FRAS1: variants seen among roughly 807,000 people sequenced by gnomAD.
FRAS1 encodes the protein extracellular matrix organizing protein FRAS1.
In FRAS1, 290 loss-of-function variants were observed where a neutral mutation model predicts 435.2. The ratio of observed to expected loss-of-function variants is 0.67; its 90% confidence interval spans 0.61 to 0.73. FRAS1 has a LOEUF of 0.73. Among genes scored for constraint, FRAS1 ranks in the 30% least tolerant of loss-of-function variants. The pLI, the probability that FRAS1 is intolerant of heterozygous loss-of-function variation, is 0.00. For missense variants in FRAS1, 4,860 were observed against 5,001.5 expected (o/e 0.97, Z 0.85); for synonymous variants, 1,800 against 1,851.0 (o/e 0.97, Z 0.71).
chr4:78,280,548 A>G (rs568000695), intron 10 of FRAS1, among the ~76,000 whole-genome samples: 1 of 151,698 alleles, frequency 6.6e-6, no homozygotes, highest in Non-Finnish European at 1.5e-5. Flanking sequence ...ATTAGGGATA[A>G]GGAGTTTGAC....
chr4:78,409,798 G>T (rs1269795826), intron 31 of FRAS1, among the ~76,000 whole-genome samples: 2 of 152,170 alleles, frequency 1.3e-5, no homozygotes, highest in South Asian at 4.1e-4. Flanking sequence ...CTTTTCCTTT[G>T]TCTAGGAATC....
chr4:78,376,589 C>T (rs1361680332), intron 26 of FRAS1, among the ~76,000 whole-genome samples: 1 of 152,042 alleles, frequency 6.6e-6, no homozygotes, highest in African/African-American at 2.4e-5. Context: ...CTTTTTCACA[C>T]AGTAGAGATA....
intron 2 of FRAS1, among the ~76,000 whole-genome samples, chr4:78,097,985 C>T (rs1182662770): frequency 6.8e-6 from 1 of 146,454 alleles, no homozygotes; most frequent in East Asian, 2.0e-4. Context: ...ACCATCTTTG[C>T]TGATACCTTG....
intron 20 of FRAS1, among the ~76,000 whole-genome samples, chr4:78,361,160 C>G (rs1260003599): frequency 6.6e-6 from 1 of 152,226 alleles, no homozygotes; most frequent in Non-Finnish European, 1.5e-5. Flanking sequence ...TTCATTTGCT[C>G]TTGCAACTTT....
At chr4:78,179,837 G>A (rs1229999513) in intron 2 of FRAS1, among the ~76,000 whole-genome samples, 1 of 152,184 alleles carries the variant, frequency 6.6e-6, no homozygotes, top group African/African-American at 2.4e-5. Flanking sequence ...GGAAATGCAG[G>A]GAGTTGGGCA....
intron 68 of FRAS1, 47 bp downstream of exon 68, chr4:78,521,677 T>C (rs1234316877): frequency 1.1e-5 from 13 of 1,138,228 alleles, no homozygotes; most frequent in Non-Finnish European, 1.7e-5. Context: ...TTAAGAAACA[T>C]TTCACACATA....
At chr4:78,168,082 C>T (rs1480002917) in intron 2 of FRAS1, among the ~76,000 whole-genome samples, 2 of 151,886 alleles carry the variant, frequency 1.3e-5, no homozygotes, top group Non-Finnish European at 2.9e-5. Context: ...GATAACTGTT[C>T]ACATGTGTTA....
At chr4:78,440,017 CT>C (rs1163344254) in intron 40 of FRAS1, among the ~76,000 whole-genome samples, 3,080 of 93,082 alleles carry the variant, frequency 0.033, 22 homozygotes, top group African/African-American at 0.1. Flanking sequence ...TAAGTCATTT[CT>C]TTTTTTTTTT....
chr4:78,232,102 C>T (rs905998241), intron 2 of FRAS1, among the ~76,000 whole-genome samples: 2 of 152,122 alleles, frequency 1.3e-5, no homozygotes, highest in East Asian at 3.8e-4. Flanking sequence ...ATCCAAAGTT[C>T]TAGCTATTGA....
intron 60 of FRAS1, among the ~76,000 whole-genome samples, chr4:78,497,599 T>TC (rs1284148567): frequency 6.6e-6 from 1 of 152,216 alleles, no homozygotes; most frequent in Non-Finnish European, 1.5e-5. Flanking sequence ...TATTATATTA[T>TC]CTTATTTAAT....
At chr4:78,529,936 C>T (rs1016082624) in intron 70 of FRAS1, among the ~76,000 whole-genome samples, 2 of 152,116 alleles carry the variant, frequency 1.3e-5, no homozygotes, top group Non-Finnish European at 2.9e-5. Context: ...AAAGCAAACC[C>T]ATGAATGAGG....
intron 6 of FRAS1, among the ~76,000 whole-genome samples, chr4:78,256,145 A>G (rs1436213485): frequency 6.6e-6 from 1 of 152,220 alleles, no homozygotes; most frequent in African/African-American, 2.4e-5. Context: ...CAAAATCAAT[A>G]ACATAGCATA....
intron 2 of FRAS1, among the ~76,000 whole-genome samples, chr4:78,141,204 C>A (rs1421917484): frequency 6.6e-6 from 1 of 152,142 alleles, no homozygotes; most frequent in Non-Finnish European, 1.5e-5. Flanking sequence ...TAGCCCCCAA[C>A]CCCCTGACAG....
At chr4:78,412,012 A>G (rs1039953799) in intron 31 of FRAS1, among the ~76,000 whole-genome samples, 2 of 152,200 alleles carry the variant, frequency 1.3e-5, no homozygotes, top group African/African-American at 4.8e-5. Flanking sequence ...AAAGTAGCTA[A>G]TGCAGTGCTG....
intron 2 of FRAS1, among the ~76,000 whole-genome samples, chr4:78,095,217 T>A (rs1393713709): frequency 6.6e-6 from 1 of 152,216 alleles, no homozygotes; most frequent in African/African-American, 2.4e-5. Context: ...AGTAGCTAGA[T>A]CCTGGTTGGT....
chr4:78,090,955 GA>G (rs1741484158), intron 2 of FRAS1, among the ~76,000 whole-genome samples: 1 of 152,124 alleles, frequency 6.6e-6, no homozygotes, highest in Non-Finnish European at 1.5e-5. Flanking sequence ...TATTCAGCAG[GA>G]GCCCAATTCA....
intron 2 of FRAS1, chr4:78,068,531 A>C (rs1740168491): frequency 2.2e-6 from 1 of 456,288 alleles, no homozygotes; most frequent in Non-Finnish European, 4.4e-6. Flanking sequence ...AGCCTTGTGC[A>C]GACTTTAGCT....
At chr4:78,059,616 C>T (rs927722582) in intron 1 of FRAS1, among the ~76,000 whole-genome samples, 1 of 151,752 alleles carries the variant, frequency 6.6e-6, no homozygotes, top group Admixed American at 6.6e-5. Flanking sequence ...ATTAATTTCA[C>T]TTGGTGGCAG....
At chr4:78,345,375 T>A (rs1420645129) in intron 20 of FRAS1, among the ~76,000 whole-genome samples, 1 of 152,176 alleles carries the variant, frequency 6.6e-6, no homozygotes, top group East Asian at 1.9e-4. Flanking sequence ...AATTAAGGAC[T>A]TGAATCAGCT....
Sources: gnomAD v4.1 joint callset for allele counts (sites outside exome capture counted in the v4.1 genomes callset) on GRCh38, gnomAD v4.1.1 for gene constraint, MANE v1.5 for transcripts, NCBI Gene and HGNC (gene_info 2026-07-23, HGNC 2026-07-21) for gene names.